MAPK9: variants seen among roughly 807,000 people sequenced by gnomAD.
MAPK9 encodes the protein Jun kinase.
A neutral mutation model predicts 57.1 loss-of-function variants in MAPK9; 30 were observed. The observed-to-expected ratio is 0.53, with a 90% CI of 0.39 to 0.71. The LOEUF is 0.71. Among genes scored for constraint, MAPK9 ranks in the 30% least tolerant of loss-of-function variants. The pLI is 0.00. For synonymous variants in MAPK9, 155 were observed against 177.0 expected (o/e 0.88, Z 0.99); for missense variants, 362 against 521.0 (o/e 0.69, Z 2.97).
chr5:180,266,614 G>A (rs1312719074), intron 3 of MAPK9, among the ~76,000 whole-genome samples: 4 of 151,668 alleles, frequency 2.6e-5, no homozygotes, highest in South Asian at 4.1e-4. Context: ...CACAGCGCCC[G>A]GCTGATACTT....
At chr5:180,265,580 G>A (rs1322450173) in intron 3 of MAPK9, among the ~76,000 whole-genome samples, 2 of 152,212 alleles carry the variant, frequency 1.3e-5, no homozygotes, top group Non-Finnish European at 1.5e-5. Flanking sequence ...ATGATTGCAA[G>A]TTTCCTGAGG....
Position 180,247,868 on chromosome 5 carries a change from G to C in MAPK9, c.617-358C>G. ...TGTGAAGGATACAGTCTCTTCCCGG[G>C]AACAGGACTTTATGGAGGACCATTT... On this transcript the variant is annotated intron_variant, in intron 6 of 11. Coordinates refer to ENST00000452135, the MANE Select transcript of MAPK9 (RefSeq NM_002752.5). This position sits in a 1 kb window ranked among gnomAD's most constrained non-coding sequence, Gnocchi z 4.5. The C allele has an allele frequency of 6.2e-7, 1 of 1,614,112 alleles. No homozygotes were observed. Among genetic ancestry groups the C allele is most frequent in the Non-Finnish European group, 8.5e-7 (1 of 1,180,016 alleles).
intron 5 of MAPK9, among the ~76,000 whole-genome samples, chr5:180,259,145 CT>C (rs1222540310): frequency 1.3e-5 from 2 of 152,284 alleles, no homozygotes; most frequent in Admixed American, 1.3e-4. Flanking sequence ...GTGGTCAAGT[CT>C]TTAGACATTT....
intron 2 of MAPK9, among the ~76,000 whole-genome samples, chr5:180,276,381 TA>T (rs1428110284): frequency 6.6e-6 from 1 of 152,302 alleles, no homozygotes; most frequent in Admixed American, 6.5e-5. Flanking sequence ...AATGGTTTCG[TA>T]AAGCAAATAA....
intron 11 of MAPK9, 186 bp downstream of exon 11, chr5:180,238,146 T>C (rs569622542): frequency 4.0e-5 from 18 of 451,806 alleles, no homozygotes; most frequent in South Asian, 3.1e-4. Context: ...GGCGCGTGCC[T>C]GTAGTCCCAG....
Position 180,282,295 on chromosome 5 carries a change from G to A in MAPK9, c.-47-1687C>T, listed in dbSNP as rs35751586. On this transcript the variant is annotated intron_variant, in intron 1 of 11. Transcript: ENST00000452135. The stretch of plus-strand genomic sequence containing the variant: ...GAAACAATTCCACTCAACATTTAGG[G>A]GGTACCTTTATGCACGAAAGTGGTA... Among the ~76,000 whole-genome samples, 612 of 152,264 alleles carry A rather than the reference G, an allele frequency of 4.0e-3. 16 individuals carry two copies. In the South Asian group the frequency reaches 0.064, roughly 16 times the overall value.
intron 1 of MAPK9, among the ~76,000 whole-genome samples, chr5:180,281,580 T>C (rs1450326140): frequency 6.6e-6 from 1 of 152,236 alleles, no homozygotes; most frequent in Non-Finnish European, 1.5e-5. Flanking sequence ...GACTACAGAA[T>C]GTATTCTACA....
chr5:180,247,106 G>A lies in MAPK9; in HGVS notation c.688+333C>T, dbSNP rs778460381. ...TTAACGGAATAAACTAAATAATACAGTATTTTCATTTAAATATCAGAATAT... is the reference window on the plus strand; with the variant it reads ...TTAACGGAATAAACTAAATAATACAATATTTTCATTTAAATATCAGAATAT... On this transcript the variant is annotated intron_variant, in intron 7 of 11. Transcript: ENST00000452135. The surrounding 1 kb of genome is among the most constrained non-coding windows in gnomAD (Gnocchi z 4.5). 1 of 333,152 alleles carries A rather than the reference G, an allele frequency of 3.0e-6. No individual in the cohort carries two copies. 20.6% of individuals were successfully genotyped at this position (333,152 alleles called of 1,614,324 possible).
rs769974620 is a variant in MAPK9 at position 180,238,336 on chromosome 5, A to G, written c.1128T>C (p.Pro376=). The G allele has an allele frequency of 1.2e-6, 2 of 1,611,124 alleles. No homozygotes were observed. The highest frequency in any genetic ancestry group is 1.7e-5 in the Admixed American group (1 of 59,972). The change falls in exon 11 of 12, where the codon CCT becomes CCC. Residue 376 remains proline, a synonymous_variant. Transcript: ENST00000452135. Reference sequence around the variant, plus strand: ...TCAATTAAAGCAATCACTAACCTGAAGGCTGATCTTTTACAACACCATTCT... The same window carrying G: ...TCAATTAAAGCAATCACTAACCTGAGGGCTGATCTTTTACAACACCATTCT... ...RSKNGVVKDQ[P]SDAAVSSNAT... is the part of the protein sequence containing the mutation.
At position 180,265,746 on chromosome 5, in the gene MAPK9, C is replaced by T. The variant is rs1561819953; in HGVS notation, c.253-907G>A. ...ACGGCTTAGGCACCAAACACATAACCTCAGTCATTCCAGATGACTGAGGGA... is the reference window on the plus strand; with the variant it reads ...ACGGCTTAGGCACCAAACACATAACTTCAGTCATTCCAGATGACTGAGGGA... On this transcript the variant is annotated intron_variant, in intron 3 of 11. Coordinates refer to ENST00000452135, the MANE Select transcript of MAPK9 (RefSeq NM_002752.5). Among the ~76,000 whole-genome samples, 3 of 152,176 alleles carry T rather than the reference C, an allele frequency of 2.0e-5. No individual in the cohort carries two copies. In the South Asian group the frequency reaches 6.2e-4, roughly 31 times the overall value.
intron 7 of MAPK9, chr5:180,242,989 G>C: frequency 2.4e-6 from 1 of 417,750 alleles, no homozygotes; most frequent in Non-Finnish European, 4.2e-6. Context: ...TCAACACAAT[G>C]AAGTCTACAC....
intron 1 of MAPK9, among the ~76,000 whole-genome samples, chr5:180,283,562 A>G (rs1450764845): frequency 1.3e-5 from 2 of 152,256 alleles, no homozygotes; most frequent in Non-Finnish European, 2.9e-5. Flanking sequence ...TATTTGGACT[A>G]TGACAATATT....
intron 1 of MAPK9, chr5:180,286,970 C>G (rs1727953153): frequency 6.6e-6 from 1 of 152,276 alleles, no homozygotes; most frequent in Non-Finnish European, 1.5e-5. Flanking sequence ...ACTGCTGAAA[C>G]ATACCACAAC....
intron 1 of MAPK9, among the ~76,000 whole-genome samples, chr5:180,287,251 A>G (rs561441920): frequency 6.6e-6 from 1 of 152,320 alleles, no homozygotes; most frequent in African/African-American, 2.4e-5. Context: ...AAAAAATGAC[A>G]ATGAACTCTA....
intron 1 of MAPK9, among the ~76,000 whole-genome samples, chr5:180,289,638 G>A (rs904934794): frequency 2.6e-5 from 4 of 152,070 alleles, no homozygotes; most frequent in Admixed American, 6.6e-5. Flanking sequence ...ACAATCAAAT[G>A]AGTATCTGGG....
intron 2 of MAPK9, among the ~76,000 whole-genome samples, chr5:180,272,749 T>C (rs1481526353): frequency 1.3e-5 from 2 of 152,214 alleles, no homozygotes; most frequent in African/African-American, 2.4e-5. Context: ...CGTTGATAGA[T>C]ATTTCAGTTG....
intron 1 of MAPK9, among the ~76,000 whole-genome samples, chr5:180,286,407 G>A (rs1368953631): frequency 6.6e-6 from 1 of 151,490 alleles, no homozygotes; most frequent in African/African-American, 2.4e-5. Context: ...GCCTCCCAAA[G>A]TGCTGGGATT....
In MAPK9 at chr5:180,247,405, A is replaced by T. The variant is rs1758222930; in HGVS notation, c.688+34T>A. 6.2e-7 allele frequency: 1 copy of T among 1,614,088 alleles called. No individual in the cohort carries two copies. Among genetic ancestry groups the T allele is most frequent in the Non-Finnish European group, 8.5e-7 (1 of 1,180,010 alleles). The stretch of plus-strand genomic sequence containing the variant: ...GTCATGCTGCCTGAGGCATTAAGAA[A>T]GCATGGCGGGGCCAAGGTCGCGGGG... On this transcript the variant is annotated intron_variant, in intron 7 of 11. Coordinates refer to ENST00000452135, the MANE Select transcript of MAPK9 (RefSeq NM_002752.5). This position sits in a 1 kb window ranked among gnomAD's most constrained non-coding sequence, Gnocchi z 4.5.
intron 5 of MAPK9, among the ~76,000 whole-genome samples, chr5:180,255,674 C>T (rs1759203971): frequency 6.6e-6 from 1 of 152,166 alleles, no homozygotes; most frequent in Non-Finnish European, 1.5e-5. Flanking sequence ...CACGATGACG[C>T]AACGAGCCAA....
Sources: gnomAD v4.1 joint callset for allele counts (sites outside exome capture counted in the v4.1 genomes callset) on GRCh38, gnomAD v4.1.1 for gene constraint, Gnocchi (gnomAD v3.1) non-coding constraint, MANE v1.5 for transcripts, NCBI Gene and HGNC (gene_info 2026-07-23, HGNC 2026-07-21) for gene names.